Variants in GLCCI1 observed in about 807,000 individuals in gnomAD.
GLCCI1 encodes glucocorticoid induced 1, also known as glucocorticoid-induced transcript 1 protein.
Under a neutral mutation model 52.2 loss-of-function variants are expected in GLCCI1, and 24 were observed. That is an observed-to-expected ratio of 0.46 (90% CI 0.33 to 0.65). GLCCI1 has a LOEUF of 0.65. Ranked by LOEUF, GLCCI1 falls within the 30% of genes least tolerant of loss-of-function variation. The probability of loss-of-function intolerance (pLI) is 0.02; values close to 1 mark genes in which losing one functional copy is unlikely to be tolerated. For synonymous variants in GLCCI1, 310 were observed against 276.5 expected (o/e 1.12, Z -1.20); for missense variants, 704 against 701.5 (o/e 1.00, Z -0.04).
intron 2 of GLCCI1, among the ~76,000 whole-genome samples, chr7:8,009,331 C>G (rs1371274702): frequency 1.3e-5 from 2 of 151,658 alleles, no homozygotes; most frequent in Non-Finnish European, 2.9e-5. Context: ...AGTCTCTGGA[C>G]AAATTTTAAA....
At chr7:8,023,886 A>G (rs1386937367) in intron 3 of GLCCI1, among the ~76,000 whole-genome samples, 1 of 152,054 alleles carries the variant, frequency 6.6e-6, no homozygotes, top group Non-Finnish European at 1.5e-5. Context: ...GGCATGAACC[A>G]CCACACCAGG....
chr7:7,986,515 A>G (rs1780736068), intron 1 of GLCCI1, among the ~76,000 whole-genome samples: 1 of 138,192 alleles, frequency 7.2e-6, no homozygotes, highest in African/African-American at 2.7e-5. Flanking sequence ...ACAGAGCGAG[A>G]CTCTGACTCA....
chr7:8,085,562 TG>T (rs1174210040), intron 7 of GLCCI1, among the ~76,000 whole-genome samples: 2 of 152,228 alleles, frequency 1.3e-5, no homozygotes, highest in Non-Finnish European at 2.9e-5. Flanking sequence ...GGTTCTTGGA[TG>T]CCCTCATGCC....
intron 2 of GLCCI1, among the ~76,000 whole-genome samples, chr7:8,011,873 T>G (rs1449763849): frequency 6.6e-6 from 1 of 152,124 alleles, no homozygotes. Context: ...AGGAATGCAG[T>G]GGCACTATCT....
chr7:8,028,123 T>G (rs1781661907), intron 3 of GLCCI1, among the ~76,000 whole-genome samples: 1 of 152,164 alleles, frequency 6.6e-6, no homozygotes, highest in South Asian at 2.1e-4. Flanking sequence ...TAATAGATAT[T>G]TACAGAACAT....
intron 2 of GLCCI1, among the ~76,000 whole-genome samples, chr7:8,012,633 G>C (rs557794452): frequency 1.6e-4 from 24 of 151,408 alleles, no homozygotes; most frequent in Non-Finnish European, 2.9e-5. Flanking sequence ...TTTTAGTAGA[G>C]ACGGGGTTTC....
intron 3 of GLCCI1, among the ~76,000 whole-genome samples, chr7:8,030,174 A>G (rs1781714434): frequency 6.6e-6 from 1 of 152,186 alleles, no homozygotes; most frequent in Admixed American, 6.5e-5. Context: ...CCAAAACAGC[A>G]TGGCACTGGC....
At chr7:7,999,435 C>G (rs1048986178) in intron 1 of GLCCI1, among the ~76,000 whole-genome samples, 1 of 151,566 alleles carries the variant, frequency 6.6e-6, no homozygotes, top group Non-Finnish European at 1.5e-5. Flanking sequence ...CAGCGAGACC[C>G]CATCCCCATA....
intron 4 of GLCCI1, among the ~76,000 whole-genome samples, chr7:8,057,345 G>C (rs1294926154): frequency 6.6e-6 from 1 of 151,928 alleles, no homozygotes; most frequent in African/African-American, 2.4e-5. Flanking sequence ...ATGTATCCAT[G>C]CATCCATGCA....
At chr7:8,072,939 C>T (rs549289783) in intron 6 of GLCCI1, among the ~76,000 whole-genome samples, 3 of 152,208 alleles carry the variant, frequency 2.0e-5, no homozygotes, top group East Asian at 3.9e-4. Context: ...GCCTTCAGGG[C>T]CTCCCAGTGA....
intron 3 of GLCCI1, 24 bp from the exon 4 acceptor site, chr7:8,055,408 TA>T (rs748190648): frequency 6.9e-7 from 1 of 1,443,454 alleles, no homozygotes; most frequent in South Asian, 1.2e-5. Context: ...ATTCTCTTCT[TA>T]CTTCTCTTTC....
Position 8,086,473 on chromosome 7 carries a change from C to T in GLCCI1, c.1579C>T (p.Gln527Ter), listed in dbSNP as rs1203392032. The change falls in exon 8 of 8, where the codon CAG becomes TAG. Residue 527 changes from glutamine (Q) to a stop codon, truncating the protein, a stop_gained. Transcript: ENST00000223145. LOFTEE classifies it high-confidence loss of function. The surrounding 1 kb of genome is among the most constrained non-coding windows in gnomAD (Gnocchi z 4.4). ...EASVQQPSQQ[Q>*]QLLQELQGED... ...CTCTGTCCAGCAGCCATCCCAGCAGCAGCAGCTCCTGCAGGAACTGCAGGG... is the reference window on the plus strand; with the variant it reads ...CTCTGTCCAGCAGCCATCCCAGCAGTAGCAGCTCCTGCAGGAACTGCAGGG... The T allele has an allele frequency of 1.2e-6, 2 of 1,614,150 alleles. No individual in the cohort carries two copies. The highest frequency in any genetic ancestry group is 1.7e-6 in the Non-Finnish European group (2 of 1,180,004).
In GLCCI1 at chr7:8,022,491, C is replaced by A; in HGVS notation, c.618C>A (p.Ser206Arg). 1.3e-6 allele frequency: 2 copies of A among 1,564,574 alleles called. No homozygotes were observed. Among genetic ancestry groups the A allele is most frequent in the Middle Eastern group, 1.7e-4 (1 of 5,866 alleles). ...ATATATATTTTTTAAAGACACCTAG[C>A]TGTTGGGCAGAAGAGGGTGCAGAAA... is the stretch of plus-strand genomic sequence containing the variant. The part of the protein sequence containing the change: ...CMKDKATQTP[S>R]CWAEEGAEKR... Residue 206 changes from serine (S) to arginine (R), a missense_variant, in exon 3 of 8, where the codon AGC becomes AGA. Ser to Arg is a moderately radical substitution (Grantham distance 110). This residue lies in a region of GLCCI1 where 547 missense variants were observed against 524.8 expected (regional missense o/e 1.04). Coordinates refer to ENST00000223145, the MANE Select transcript of GLCCI1 (RefSeq NM_138426.4).
At chr7:8,082,660 GT>G (rs1783019524) in intron 6 of GLCCI1, among the ~76,000 whole-genome samples, 1 of 151,998 alleles carries the variant, frequency 6.6e-6, no homozygotes, top group African/African-American at 2.4e-5. Context: ...CAGTATATTT[GT>G]TTACTTAACA....
chr7:8,074,983 C>T (rs1328702062), intron 6 of GLCCI1, among the ~76,000 whole-genome samples: 1 of 152,022 alleles, frequency 6.6e-6, no homozygotes, highest in Non-Finnish European at 1.5e-5. Flanking sequence ...TGAATAGCTG[C>T]CCTAATGAGG....
chr7:8,070,998 T>A lies in GLCCI1; in HGVS notation c.1044T>A (p.Thr348=). 6.2e-7 allele frequency: 1 copy of A among 1,614,194 alleles called. No individual in the cohort carries two copies. The highest frequency in any genetic ancestry group is 8.5e-7 in the Non-Finnish European group (1 of 1,180,028). ...GCAGTAGTACTCGCAGCATTGACACTCAGACTCCTTCTGTCCAGGAGCGCA... is the reference window on the plus strand; with the variant it reads ...GCAGTAGTACTCGCAGCATTGACACACAGACTCCTTCTGTCCAGGAGCGCA... ...YRSSSTRSID[T]QTPSVQERSS... is the part of the protein sequence containing the mutation. Residue 348 remains threonine, a synonymous_variant, in exon 6 of 8, where the codon ACT becomes ACA. Transcript: ENST00000223145.
At position 7,968,825 on chromosome 7, in the gene GLCCI1, A is replaced by G; in HGVS notation, c.-526A>G. Reference sequence around the variant, plus strand: ...GCCATTCGGAGTGAGGAGTGGGTAGAAGCGGCGGCGGCGGCGGCGGCGTTT... The same window carrying G: ...GCCATTCGGAGTGAGGAGTGGGTAGGAGCGGCGGCGGCGGCGGCGGCGTTT... On this transcript the variant is annotated 5_prime_UTR_variant, in exon 1 of 8. Transcript: ENST00000223145. 1 of 159,524 alleles carries G rather than the reference A, an allele frequency of 6.3e-6. No individual in the cohort carries two copies. Among genetic ancestry groups the G allele is most frequent in the South Asian group, 1.5e-4 (1 of 6,502 alleles). The allele number at this position is 159,524 out of a possible 1,614,324, so 9.9% of individuals were successfully genotyped here.
chr7:8,076,783 T>G (rs1289187753), intron 6 of GLCCI1, among the ~76,000 whole-genome samples: 1 of 152,218 alleles, frequency 6.6e-6, no homozygotes, highest in Admixed American at 6.5e-5. Context: ...GGTCAGTGCT[T>G]TACTCTCAGT....
chr7:7,992,856 T>G (rs1482175020), intron 1 of GLCCI1, among the ~76,000 whole-genome samples: 1 of 152,146 alleles, frequency 6.6e-6, no homozygotes, highest in Non-Finnish European at 1.5e-5. Flanking sequence ...TTCTTGTAAC[T>G]TAGTCTTCAT....
Sources: allele counts gnomAD v4.1 joint callset (sites outside exome capture counted in the v4.1 genomes callset), GRCh38; gene constraint gnomAD v4.1.1; regional missense constraint gnomAD v4.1.1; non-coding constraint Gnocchi (gnomAD v3.1); transcripts MANE v1.5; gene names NCBI Gene and HGNC (gene_info 2026-07-23, HGNC 2026-07-21).